CDH12: variants seen among roughly 807,000 people sequenced by gnomAD.
The protein encoded by CDH12 is cadherin 12, also known as cadherin-12.
CDH12 carries 41 observed loss-of-function variants against 74.1 expected under a neutral mutation model. The observed-to-expected ratio is 0.55, with a 90% CI of 0.43 to 0.72. The LOEUF (loss-of-function observed/expected upper bound fraction) is 0.72. CDH12 is among the 30% of genes least tolerant of loss of function. CDH12 has a pLI of 0.00. For synonymous variants in CDH12, 399 were observed against 355.0 expected, an observed-to-expected ratio of 1.12 and a Z score of -1.39; for missense variants, 945 against 977.2, an observed-to-expected ratio of 0.97 and a Z score of 0.44.
At chr5:22,103,580 T>A (rs570351727) in intron 4 of CDH12, among the ~76,000 whole-genome samples, 18 of 152,348 alleles carry the variant, frequency 1.2e-4, no homozygotes, top group Non-Finnish European at 2.5e-4. Context: ...TCGCTTCTTA[T>A]GCAGCTAATC....
intron 4 of CDH12, among the ~76,000 whole-genome samples, chr5:22,097,843 C>T (rs762952186): frequency 2.1e-4 from 32 of 152,124 alleles, no homozygotes; most frequent in African/African-American, 3.1e-4. Context: ...TCCCACAGCA[C>T]GCTTTGAGAA....
chr5:22,176,928 C>T (rs1239467010), intron 4 of CDH12, among the ~76,000 whole-genome samples: 1 of 152,102 alleles, frequency 6.6e-6, no homozygotes, highest in African/African-American at 2.4e-5. Flanking sequence ...TGCCTCTTTG[C>T]TCATGCCTCA....
Position 21,907,715 on chromosome 5 carries a change from C to G in CDH12, c.527-52925G>C, listed in dbSNP as rs543290371. Among the ~76,000 whole-genome samples the G allele has an allele frequency of 2.0e-5, 3 of 152,300 alleles. No individual in the cohort carries two copies. In the East Asian group the frequency reaches 5.8e-4, roughly 29 times the overall value. On this transcript the variant is annotated intron_variant, in intron 6 of 14. Transcript: ENST00000382254. ...AGAAATAGGATTCAGGATAAAACTTCTGCTGCTCTACCTGGCTTGGAATTT... is the reference window on the plus strand; with the variant it reads ...AGAAATAGGATTCAGGATAAAACTTGTGCTGCTCTACCTGGCTTGGAATTT...
chr5:21,842,041 A>C (rs1749891024), intron 8 of CDH12, 120 bp downstream of exon 8: 1 of 757,928 alleles, frequency 1.3e-6, no homozygotes. Context: ...TTAATCCATT[A>C]GCTTCTGCTT....
intron 7 of CDH12, among the ~76,000 whole-genome samples, chr5:21,843,161 T>C (rs148991336): frequency 9.2e-5 from 14 of 152,274 alleles, no homozygotes; most frequent in African/African-American, 3.4e-4. Flanking sequence ...CATACCAAAT[T>C]CCAATCTTTA....
chr5:22,008,094 T>C (rs1243008243), intron 5 of CDH12, among the ~76,000 whole-genome samples: 1 of 152,208 alleles, frequency 6.6e-6, no homozygotes, highest in Non-Finnish European at 1.5e-5. Flanking sequence ...CTGTTATTTT[T>C]GTATTATCTT....
intron 6 of CDH12, among the ~76,000 whole-genome samples, chr5:21,880,608 C>CTCTCTTTCT (rs1561268256): frequency 9.1e-5 from 6 of 65,734 alleles, no homozygotes; most frequent in Admixed American, 4.2e-4. Flanking sequence ...TCCTTCCTTC[C>CTCTCTTTCT]TTCCTTCCTT....
At chr5:22,427,884 CAA>C (rs148187279) in intron 2 of CDH12, among the ~76,000 whole-genome samples, 1 of 151,260 alleles carries the variant, frequency 6.6e-6, no homozygotes, top group South Asian at 2.1e-4. Flanking sequence ...TAGCTTCACC[CAA>C]AAAAAAGTCA....
chr5:21,918,685 T>G (rs1438768097), intron 6 of CDH12, among the ~76,000 whole-genome samples: 1 of 152,082 alleles, frequency 6.6e-6, no homozygotes, highest in African/African-American at 2.4e-5. Flanking sequence ...CATGATTCAA[T>G]TACCTCCACT....
chr5:21,994,821 T>A (rs974632008), intron 5 of CDH12, among the ~76,000 whole-genome samples: 2 of 152,096 alleles, frequency 1.3e-5, no homozygotes, highest in Non-Finnish European at 2.9e-5. Context: ...AACACACCAA[T>A]CAGTACTCTG....
chr5:22,666,502 G>A (rs1224460442), intron 1 of CDH12, among the ~76,000 whole-genome samples: 1 of 151,890 alleles, frequency 6.6e-6, no homozygotes, highest in African/African-American at 2.4e-5. Context: ...GTGTTAGCCA[G>A]GGTGGTCTCG....
intron 4 of CDH12, among the ~76,000 whole-genome samples, chr5:22,170,880 T>C (rs1748980461): frequency 6.6e-6 from 1 of 151,868 alleles, no homozygotes; most frequent in Admixed American, 6.6e-5. Context: ...TGTCCATAGC[T>C]ACTGTTAAGT....
chr5:22,107,553 G>C (rs1310484384), intron 4 of CDH12, among the ~76,000 whole-genome samples: 2 of 119,416 alleles, frequency 1.7e-5, no homozygotes, highest in Non-Finnish European at 3.7e-5. Context: ...TTAGGCATTA[G>C]GCTATCTTCT....
intron 1 of CDH12, among the ~76,000 whole-genome samples, chr5:22,674,013 TAG>T (rs999809056): frequency 2.0e-4 from 31 of 152,318 alleles, no homozygotes; most frequent in African/African-American, 5.3e-4. Context: ...TTTCTCCTTG[TAG>T]AGGCACTACA....
intron 4 of CDH12, among the ~76,000 whole-genome samples, chr5:22,192,097 C>A (rs1750342969): frequency 6.6e-6 from 1 of 151,900 alleles, no homozygotes; most frequent in African/African-American, 2.4e-5. Context: ...CCATGCCCAG[C>A]TAATTTTTGT....
At chr5:22,725,804 G>C (rs1311180357) in intron 1 of CDH12, among the ~76,000 whole-genome samples, 1 of 151,706 alleles carries the variant, frequency 6.6e-6, no homozygotes, top group Non-Finnish European at 1.5e-5. Context: ...TTAAGGTCAT[G>C]AGACAAACAC....
chr5:21,944,447 A>G (rs1450178722), intron 6 of CDH12, among the ~76,000 whole-genome samples: 1 of 152,120 alleles, frequency 6.6e-6, no homozygotes, highest in Non-Finnish European at 1.5e-5. Flanking sequence ...GGACAGAAGC[A>G]TGGATTATAC....
At position 21,802,171 on chromosome 5, in the gene CDH12, C is replaced by A. The variant is rs138517275; in HGVS notation, c.1252G>T (p.Val418Phe). 377 of 1,612,270 alleles carry A rather than the reference C, an allele frequency of 2.3e-4. No homozygotes were observed. The highest frequency in any genetic ancestry group is 3.0e-4 in the Non-Finnish European group (359 of 1,179,018). The change falls in exon 10 of 15, where the codon GTT (valine) becomes TTT (phenylalanine). Residue 418 changes from valine (V) to phenylalanine (F), a missense_variant. Transcript: ENST00000382254. ...AAAAATGTTTCTTTTTCTCACCTAACAGCACTGCTGCCTACATCCAGGTCT... is the reference window on the plus strand; with the variant it reads ...AAAAATGTTTCTTTTTCTCACCTAAAAGCACTGCTGCCTACATCCAGGTCT... Reference protein sequence around the residue: ...AQDLDVGSSAVRYFIDWKSDG... With the variant: ...AQDLDVGSSAFRYFIDWKSDG...
At chr5:22,031,932 C>T (rs1738848855) in intron 5 of CDH12, among the ~76,000 whole-genome samples, 1 of 151,722 alleles carries the variant, frequency 6.6e-6, no homozygotes, top group South Asian at 2.1e-4. Flanking sequence ...CACAAACACA[C>T]AAAGTGAACC....
Sources: gnomAD v4.1 joint callset for allele counts (sites outside exome capture counted in the v4.1 genomes callset) on GRCh38, gnomAD v4.1.1 for gene constraint, MANE v1.5 for transcripts, NCBI Gene and HGNC (gene_info 2026-07-23, HGNC 2026-07-21) for gene names.